The following RSRC1 variants were observed in gnomAD, a reference collection of about 807,000 sequenced individuals.
RSRC1 encodes the protein serine/Arginine-related protein 53.
RSRC1 carries 39 observed loss-of-function variants against 49.1 expected under a neutral mutation model. That is an observed-to-expected ratio of 0.79 (90% CI 0.61 to 1.04). RSRC1 has a LOEUF of 1.04. Among genes scored for constraint, RSRC1 ranks in the 50% least tolerant of loss-of-function variants. RSRC1 has a pLI of 0.00. For missense variants in RSRC1, 388 were observed against 402.4 expected, an observed-to-expected ratio of 0.96 and a Z score of 0.31; for synonymous variants, 143 against 130.8, an observed-to-expected ratio of 1.09 and a Z score of -0.63.
intron 4 of RSRC1, among the ~76,000 whole-genome samples, chr3:158,255,439 C>T (rs1293764293): frequency 6.6e-6 from 1 of 152,122 alleles, no homozygotes; most frequent in African/African-American, 2.4e-5. Flanking sequence ...TGTTTTGGTA[C>T]CAGTACCATG....
intron 3 of RSRC1, among the ~76,000 whole-genome samples, chr3:158,132,689 T>C (rs1716118830): frequency 1.3e-5 from 2 of 152,228 alleles, no homozygotes; most frequent in Admixed American, 6.5e-5. Flanking sequence ...TTATACTGGA[T>C]GAGCTATCCT....
chr3:158,410,243 T>C (rs1310561527), intron 6 of RSRC1, among the ~76,000 whole-genome samples: 1 of 152,208 alleles, frequency 6.6e-6, no homozygotes, highest in Non-Finnish European at 1.5e-5. Flanking sequence ...AGTCTCATCC[T>C]GGACCACTCT....
At chr3:158,210,305 G>GAC (rs775089160) in intron 4 of RSRC1, among the ~76,000 whole-genome samples, 9 of 151,982 alleles carry the variant, frequency 5.9e-5, no homozygotes, top group Non-Finnish European at 1.2e-4. Flanking sequence ...CTTCCAATGT[G>GAC]ACAGCAGGCA....
At chr3:158,278,190 A>G (rs1362594752) in intron 4 of RSRC1, among the ~76,000 whole-genome samples, 1 of 152,226 alleles carries the variant, frequency 6.6e-6, no homozygotes, top group African/African-American at 2.4e-5. Flanking sequence ...CACAAGAGCA[A>G]GTGAGGTTCA....
intron 2 of RSRC1, 107 bp from the exon 3 acceptor site, chr3:158,123,759 A>AGT: frequency 9.6e-7 from 1 of 1,038,640 alleles, no homozygotes; most frequent in Admixed American, 2.4e-5. Flanking sequence ...TCCAGGAAAC[A>AGT]GTGAGACAGT....
At chr3:158,292,728 CT>C (rs1274177138) in intron 4 of RSRC1, among the ~76,000 whole-genome samples, 2 of 152,160 alleles carry the variant, frequency 1.3e-5, no homozygotes, top group African/African-American at 4.8e-5. Context: ...CTTAGAATCA[CT>C]TTTAAGACTT....
chr3:158,336,214 G>C (rs1729877895), intron 5 of RSRC1, among the ~76,000 whole-genome samples: 1 of 152,232 alleles, frequency 6.6e-6, no homozygotes, highest in Non-Finnish European at 1.5e-5. Flanking sequence ...AACATCCTAT[G>C]GTCCTACGCT....
At chr3:158,306,364 A>C (rs551349757) in intron 5 of RSRC1, among the ~76,000 whole-genome samples, 1 of 151,912 alleles carries the variant, frequency 6.6e-6, no homozygotes, top group Admixed American at 6.6e-5. Context: ...GCTAGATGCA[A>C]TATGTATACA....
At chr3:158,385,067 T>G (rs775840343) in intron 6 of RSRC1, among the ~76,000 whole-genome samples, 4 of 152,054 alleles carry the variant, frequency 2.6e-5, no homozygotes, top group Non-Finnish European at 5.9e-5. Flanking sequence ...ACAATGAAAT[T>G]TGCTTTTTCT....
At chr3:158,392,229 C>T (rs1210442530) in intron 6 of RSRC1, among the ~76,000 whole-genome samples, 2 of 152,118 alleles carry the variant, frequency 1.3e-5, no homozygotes, top group Admixed American at 6.6e-5. Context: ...CACTAAAGAA[C>T]AAGTGAAAGC....
chr3:158,238,464 C>T (rs978270680), intron 4 of RSRC1, among the ~76,000 whole-genome samples: 1 of 152,178 alleles, frequency 6.6e-6, no homozygotes, highest in African/African-American at 2.4e-5. Flanking sequence ...TGACTTCAAA[C>T]TATACTACAA....
At chr3:158,195,891 G>T (rs184196585) in intron 3 of RSRC1, among the ~76,000 whole-genome samples, 1 of 151,904 alleles carries the variant, frequency 6.6e-6, no homozygotes, top group Non-Finnish European at 1.5e-5. Context: ...TGCTGTTCTG[G>T]TTACTGTAGC....
At chr3:158,390,241 A>G (rs563580074) in intron 6 of RSRC1, among the ~76,000 whole-genome samples, 1 of 152,280 alleles carries the variant, frequency 6.6e-6, no homozygotes, top group South Asian at 2.1e-4. Context: ...AAGTCCTTCC[A>G]TGAAGGAGTA....
chr3:158,212,336 A>G (rs937274146), intron 4 of RSRC1, among the ~76,000 whole-genome samples: 3 of 151,744 alleles, frequency 2.0e-5, no homozygotes, highest in African/African-American at 4.8e-5. Flanking sequence ...ATTCACATAC[A>G]TACACTACTT....
chr3:158,522,960 A>G (rs1368605684), intron 7 of RSRC1, among the ~76,000 whole-genome samples: 3 of 152,152 alleles, frequency 2.0e-5, no homozygotes, highest in African/African-American at 7.2e-5. Flanking sequence ...TTAGTCATTT[A>G]GACCATTATG....
intron 6 of RSRC1, among the ~76,000 whole-genome samples, chr3:158,392,214 C>T (rs1733344628): frequency 6.6e-6 from 1 of 152,092 alleles, no homozygotes; most frequent in East Asian, 1.9e-4. Context: ...ATTGCTGCTT[C>T]TCCTCACTAA....
chr3:158,411,343 G>T (rs1734456027), intron 6 of RSRC1, among the ~76,000 whole-genome samples: 1 of 152,038 alleles, frequency 6.6e-6, no homozygotes, highest in Admixed American at 6.6e-5. Flanking sequence ...TGTAGAGTAT[G>T]TATAATTTTA....
chr3:158,322,145 G>A (rs1045889276), intron 5 of RSRC1, among the ~76,000 whole-genome samples: 1 of 152,100 alleles, frequency 6.6e-6, no homozygotes, highest in Non-Finnish European at 1.5e-5. Context: ...AGGTCCACGA[G>A]CAATGAACTG....
chr3:158,516,618 C>T (rs1740551855), intron 7 of RSRC1, among the ~76,000 whole-genome samples: 1 of 152,176 alleles, frequency 6.6e-6, no homozygotes, highest in Non-Finnish European at 1.5e-5. Flanking sequence ...CTGTGGTGGG[C>T]TCCACCCGGT....
Sources: allele counts gnomAD v4.1 joint callset (sites outside exome capture counted in the v4.1 genomes callset), GRCh38; gene constraint gnomAD v4.1.1; transcripts MANE v1.5; gene names NCBI Gene and HGNC (gene_info 2026-07-23, HGNC 2026-07-21).